The following TTYH3 variants were observed in gnomAD, a reference collection of about 807,000 sequenced individuals.
The protein encoded by TTYH3 is tweety family member 3.
A neutral mutation model predicts 68.2 loss-of-function variants in TTYH3; 23 were observed. The observed-to-expected ratio is 0.34, with a 90% CI of 0.24 to 0.48. The LOEUF is 0.48. Among genes scored for constraint, TTYH3 ranks in the 20% least tolerant of loss-of-function variants. The pLI, the probability that TTYH3 is intolerant of heterozygous loss-of-function variation, is 0.99. For synonymous variants in TTYH3, 360 were observed against 332.8 expected, an observed-to-expected ratio of 1.08 and a Z score of -0.89; for missense variants, 768 against 727.7, an observed-to-expected ratio of 1.06 and a Z score of -0.64.
chr7:2,635,324 C>T (rs970468221), intron 1 of TTYH3, among the ~76,000 whole-genome samples: 1 of 152,230 alleles, frequency 6.6e-6, no homozygotes, highest in Admixed American at 6.5e-5. Flanking sequence ...CCTGCACCCT[C>T]GCTCTGTCGC....
chr7:2,647,784 G>C lies in TTYH3; in HGVS notation c.626+146G>C. The stretch of plus-strand genomic sequence containing the variant: ...CTGGAGGTCACAGGCAGTGGCTGGA[G>C]TTCCCCTAATGGGAGCCTTTCTCAA... On this transcript the variant is annotated intron_variant, in intron 4 of 13. Transcript: ENST00000258796. The C allele has an allele frequency of 3.7e-6, 4 of 1,083,082 alleles. No individual in the cohort carries two copies. In the South Asian group the frequency reaches 6.0e-5, roughly 16 times the overall value. The allele number at this position is 1,083,082 out of a possible 1,614,324, so 67.1% of individuals were successfully genotyped here. A position where few individuals can be genotyped will look rare whatever the true frequency, so the allele number is the denominator to read the frequency against.
chr7:2,633,290 G>A (rs1180762898), intron 1 of TTYH3, among the ~76,000 whole-genome samples: 1 of 152,168 alleles, frequency 6.6e-6, no homozygotes, highest in Non-Finnish European at 1.5e-5. Context: ...AATGGCTTGG[G>A]AATCCGGTAT....
At chr7:2,636,087 G>C (rs575979050) in intron 1 of TTYH3, among the ~76,000 whole-genome samples, 97 of 152,218 alleles carry the variant, frequency 6.4e-4, no homozygotes, top group Non-Finnish European at 1.2e-3. Flanking sequence ...AGCTCTGGGA[G>C]TAGGGCCAGT....
At position 2,658,342 on chromosome 7, in the gene TTYH3, A is replaced by T; in HGVS notation, c.1307A>T (p.Asp436Val). Residue 436 changes from aspartate to valine, a missense_variant, in exon 12 of 14, where the codon GAC (aspartate) becomes GTC (valine). Transcript: ENST00000258796. ...EAAPGPRQAH[D>V]SLYRVHMPSL... is the part of the protein sequence containing the mutation. ...GCTCCAGGGCCGCGGCAGGCGCACG[A>T]CAGCCTCTACCGCGTCCACATGCCC... 1.9e-6 allele frequency: 3 copies of T among 1,607,364 alleles called. No homozygotes were observed. The highest frequency in any genetic ancestry group is 2.5e-6 in the Non-Finnish European group (3 of 1,177,536).
chr7:2,658,552 G>C (rs1192263750), intron 12 of TTYH3, 93 bp downstream of exon 12: 1 of 1,451,930 alleles, frequency 6.9e-7, no homozygotes, highest in Non-Finnish European at 9.3e-7. Flanking sequence ...GCAAGGGGCT[G>C]GAGAAGGGGC....
At chr7:2,636,082 TG>T (rs1315928098) in intron 1 of TTYH3, among the ~76,000 whole-genome samples, 1 of 152,204 alleles carries the variant, frequency 6.6e-6, no homozygotes, top group Non-Finnish European at 1.5e-5. Flanking sequence ...ATCTGAGCTC[TG>T]GGAGTAGGGC....
intron 1 of TTYH3, among the ~76,000 whole-genome samples, chr7:2,642,558 AAG>A (rs1554328858): frequency 7.4e-4 from 110 of 148,828 alleles, no homozygotes; most frequent in African/African-American, 2.5e-3. Flanking sequence ...AAAAAAAAAA[AAG>A]AAAGAAAGAA....
chr7:2,636,163 G>C (rs1036349814), intron 1 of TTYH3, among the ~76,000 whole-genome samples: 1 of 152,242 alleles, frequency 6.6e-6, no homozygotes, highest in South Asian at 2.1e-4. Context: ...GCCGCCACAA[G>C]GTGAGGTCAG....
chr7:2,661,074 G>T (rs551798787), intron 13 of TTYH3, among the ~76,000 whole-genome samples: 2 of 50 alleles, frequency 0.04, no homozygotes, highest in East Asian at 0.5. Context: ...GTCCCCCACG[G>T]GAGGGGGGGC....
chr7:2,653,064 A>G (rs1425797932), intron 9 of TTYH3, 54 bp downstream of exon 9: 14 of 1,495,490 alleles, frequency 9.4e-6, no homozygotes, highest in Non-Finnish European at 1.8e-6. Flanking sequence ...TTTTCTCAGC[A>G]TGAAAGGAAT....
In TTYH3 at chr7:2,647,989, G is replaced by A; in HGVS notation, c.657G>A (p.Leu219=). Residue 219 remains leucine (L), a synonymous_variant, in exon 5 of 14, where the codon CTG becomes CTA. Transcript: ENST00000258796. ...RWLGYLGLLL[L]DVIICLLVLV... is the part of the protein sequence containing the mutation. ...TGGGCTACCTGGGCCTGCTGCTGCT[G>A]GACGTCATCATCTGCCTCCTGGTGC... 6.2e-7 allele frequency: 1 copy of A among 1,610,542 alleles called. No individual in the cohort carries two copies. Among genetic ancestry groups the A allele is most frequent in the Middle Eastern group, 1.7e-4 (1 of 6,016 alleles).
At chr7:2,644,258 A>C (rs1472320859) in intron 1 of TTYH3, among the ~76,000 whole-genome samples, 1 of 152,154 alleles carries the variant, frequency 6.6e-6, no homozygotes, top group Non-Finnish European at 1.5e-5. Flanking sequence ...GCCTGCAGTC[A>C]CAGCCGGTGG....
rs1184102941 is a variant in TTYH3 at position 2,647,751 on chromosome 7, C to A, written c.626+113C>A. 3 of 1,244,374 alleles carry A rather than the reference C, an allele frequency of 2.4e-6. No individual in the cohort carries two copies. The African/African-American group carries it at 4.5e-5, about 19-fold the overall frequency. The allele number at this position is 1,244,374 out of a possible 1,614,324, so 77.1% of individuals were successfully genotyped here. ...GAGGCCTGATGGGCAGGGTGTGGCCCAGGGCCACTGGAGGTCACAGGCAGT... is the reference window on the plus strand; with the variant it reads ...GAGGCCTGATGGGCAGGGTGTGGCCAAGGGCCACTGGAGGTCACAGGCAGT... On this transcript the variant is annotated intron_variant, in intron 4 of 13. Transcript: ENST00000258796.
At chr7:2,657,422 A>G (rs78845578) in intron 11 of TTYH3, among the ~76,000 whole-genome samples, 3 of 46,690 alleles carry the variant, frequency 6.4e-5, no homozygotes, top group African/African-American at 4.2e-4. Context: ...GGTGGTGGTG[A>G]TGGTGATGGT....
intron 11 of TTYH3, among the ~76,000 whole-genome samples, chr7:2,657,116 TGG>T (rs763288745): frequency 6.6e-6 from 1 of 152,210 alleles, no homozygotes; most frequent in African/African-American, 2.4e-5. Context: ...AGTGGTGTAT[TGG>T]GGTGACAGGC....
intron 1 of TTYH3, among the ~76,000 whole-genome samples, chr7:2,642,748 CTT>C (rs915544871): frequency 6.6e-4 from 85 of 128,072 alleles, no homozygotes; most frequent in African/African-American, 1.4e-3. Context: ...TTTTTCTTTT[CTT>C]TTTTTTTTTT....
intron 1 of TTYH3, among the ~76,000 whole-genome samples, chr7:2,641,754 G>A (rs1201238006): frequency 6.6e-6 from 1 of 152,256 alleles, no homozygotes; most frequent in Non-Finnish European, 1.5e-5. Context: ...CCGTCTGCTG[G>A]GAATCTGGCT....
At position 2,648,935 on chromosome 7, in the gene TTYH3, G is replaced by GTGGGGCCCGCAGTGGGGTA. The variant is rs1562713867; in HGVS notation, c.723-614_723-613insATGGGGCCCGCAGTGGGGT. Reference sequence around the variant, plus strand: ...TGGGGTGTGGGGCCCGCAGTGGGGTGTGGGGCCCGCAGTGGGGTGTGGGGC... The same window carrying GTGGGGCCCGCAGTGGGGTA: ...TGGGGTGTGGGGCCCGCAGTGGGGTGTGGGGCCCGCAGTGGGGTATGGGGCCCGCAGTGGGGTGTGGGGC... On this transcript the variant is annotated intron_variant, in intron 5 of 13. Transcript: ENST00000258796. Among the ~76,000 whole-genome samples the GTGGGGCCCGCAGTGGGGTA allele has an allele frequency of 3.3e-3, 132 of 40,112 alleles. 4 individuals are homozygous for GTGGGGCCCGCAGTGGGGTA. The highest frequency in any genetic ancestry group is 0.012 in the East Asian group (9 of 754). 26.3% of individuals were successfully genotyped at this position (40,112 alleles called of 152,430 possible).
chr7:2,652,854 C>G, intron 8 of TTYH3, 64 bp from the exon 9 acceptor site: 6 of 1,394,856 alleles, frequency 4.3e-6, no homozygotes, highest in Non-Finnish European at 6.0e-6. Flanking sequence ...GTTGGAGGGT[C>G]CTGGGGAGGG....
Sources: gnomAD v4.1 joint callset for allele counts (sites outside exome capture counted in the v4.1 genomes callset) on GRCh38, gnomAD v4.1.1 for gene constraint, MANE v1.5 for transcripts, NCBI Gene and HGNC (gene_info 2026-07-23, HGNC 2026-07-21) for gene names.